Variants in USH2A observed in about 807,000 individuals in gnomAD.
USH2A encodes the protein Usher syndrome 2A (autosomal recessive, mild).
A neutral mutation model predicts 538.9 loss-of-function variants in USH2A; 443 were observed. That is an observed-to-expected ratio of 0.82 (90% CI 0.76 to 0.89). The LOEUF (loss-of-function observed/expected upper bound fraction) is 0.89. Among genes scored for constraint, USH2A ranks in the 40% least tolerant of loss-of-function variants. The pLI is 0.00. For missense variants in USH2A, 6,633 were observed against 6,324.8 expected (o/e 1.05, Z -1.65); for synonymous variants, 2,413 against 2,273.5 (o/e 1.06, Z -1.75).
intron 32 of USH2A, among the ~76,000 whole-genome samples, chr1:216,038,262 C>T (rs1368159490): frequency 2.6e-5 from 4 of 151,940 alleles, no homozygotes; most frequent in African/African-American, 9.7e-5. Context: ...CACTATTCTT[C>T]TATGCAAGCT....
At chr1:215,767,397 C>G (rs1293536745) in intron 55 of USH2A, among the ~76,000 whole-genome samples, 1 of 152,126 alleles carries the variant, frequency 6.6e-6, no homozygotes, top group African/African-American at 2.4e-5. Context: ...TTTTCTTGCC[C>G]CAAGCCATAT....
At chr1:216,224,311 A>C (rs1235681649) in intron 14 of USH2A, among the ~76,000 whole-genome samples, 2 of 152,104 alleles carry the variant, frequency 1.3e-5, no homozygotes, top group Non-Finnish European at 2.9e-5. Context: ...TCCACTACCA[A>C]CTGAGATGAA....
At chr1:216,016,393 A>G (rs945449789) in intron 32 of USH2A, among the ~76,000 whole-genome samples, 3 of 152,196 alleles carry the variant, frequency 2.0e-5, no homozygotes, top group Non-Finnish European at 2.9e-5. Context: ...TCGCTTTGCT[A>G]TGATAAGGAC....
At chr1:215,824,994 T>C (rs1464790118) in intron 47 of USH2A, among the ~76,000 whole-genome samples, 1 of 152,252 alleles carries the variant, frequency 6.6e-6, no homozygotes, top group East Asian at 1.9e-4. Context: ...TTCTGTACAT[T>C]TGTTTCTGTT....
At chr1:215,710,497 A>T (rs1480412737) in intron 61 of USH2A, among the ~76,000 whole-genome samples, 2 of 152,150 alleles carry the variant, frequency 1.3e-5, no homozygotes, top group Non-Finnish European at 2.9e-5. Flanking sequence ...TCAACTGCTC[A>T]TACGTTTAGC....
intron 38 of USH2A, among the ~76,000 whole-genome samples, chr1:215,906,415 G>T (rs1031938361): frequency 6.6e-6 from 1 of 151,952 alleles, no homozygotes; most frequent in Non-Finnish European, 1.5e-5. Flanking sequence ...ATTTCAAATC[G>T]CAGAACTGAT....
At chr1:216,194,996 G>T (rs992503841) in intron 19 of USH2A, among the ~76,000 whole-genome samples, 1 of 152,122 alleles carries the variant, frequency 6.6e-6, no homozygotes, top group African/African-American at 2.4e-5. Context: ...TCACAGGGCA[G>T]ATAGACCCCA....
intron 55 of USH2A, among the ~76,000 whole-genome samples, chr1:215,779,399 G>C (rs1466354015): frequency 1.3e-5 from 2 of 151,926 alleles, no homozygotes; most frequent in Admixed American, 1.3e-4. Context: ...GTAACAAACA[G>C]TCACAATGAC....
intron 59 of USH2A, among the ~76,000 whole-genome samples, chr1:215,741,984 T>C (rs1340490728): frequency 6.6e-6 from 1 of 152,154 alleles, no homozygotes; most frequent in African/African-American, 2.4e-5. Context: ...AACAATCTAT[T>C]TGAAGGATAT....
At chr1:216,185,427 C>T (rs1400129839) in intron 20 of USH2A, among the ~76,000 whole-genome samples, 4 of 151,690 alleles carry the variant, frequency 2.6e-5, no homozygotes, top group East Asian at 3.9e-4. Flanking sequence ...TTTTTGAGAC[C>T]GAGATTTAAG....
At chr1:216,341,095 G>T (rs377337583) in intron 4 of USH2A, among the ~76,000 whole-genome samples, 1 of 151,898 alleles carries the variant, frequency 6.6e-6, no homozygotes, top group African/African-American at 2.4e-5. Flanking sequence ...TTTAGAAAAC[G>T]CCATTGTTTC....
chr1:216,080,921 G>A lies in USH2A; in HGVS notation c.5298+2535C>T, dbSNP rs76623946. Among the ~76,000 whole-genome samples the A allele has an allele frequency of 9.9e-4, 150 of 151,934 alleles. 1 individual carries two copies. The East Asian group carries it at 0.026, about 26-fold the overall frequency. On this transcript the variant is annotated intron_variant, in intron 26 of 71. Transcript: ENST00000307340. Reference sequence around the variant, plus strand: ...GCTTGTTTTTATCAGGAGAGTGTGAGACTACCTGAAGACATTCAGGTTATA... The same window carrying A: ...GCTTGTTTTTATCAGGAGAGTGTGAAACTACCTGAAGACATTCAGGTTATA...
In USH2A at chr1:216,182,429, G is replaced by T. The variant is rs1217179464; in HGVS notation, c.4397-6947C>A. On this transcript the variant is annotated intron_variant, in intron 20 of 71. Transcript: ENST00000307340. Reference sequence around the variant, plus strand: ...TTCATATGCCAAAAAGGCCAGTAGAGCCCCTGATAAAGTCGCATATCTAAA... The same window carrying T: ...TTCATATGCCAAAAAGGCCAGTAGATCCCCTGATAAAGTCGCATATCTAAA... Among the ~76,000 whole-genome samples, 3 of 152,026 alleles carry T rather than the reference G, an allele frequency of 2.0e-5. No homozygotes were observed. The East Asian group carries it at 5.8e-4, about 29-fold the overall frequency.
At chr1:215,847,708 G>A (rs2102824904) in intron 44 of USH2A, among the ~76,000 whole-genome samples, 2 of 151,956 alleles carry the variant, frequency 1.3e-5, no homozygotes, top group South Asian at 2.1e-4. Context: ...GGAAAAAGTG[G>A]CATTTCTCCT....
chr1:215,796,766 C>T (rs1310561179), intron 50 of USH2A, among the ~76,000 whole-genome samples: 1 of 152,126 alleles, frequency 6.6e-6, no homozygotes, highest in Non-Finnish European at 1.5e-5. Flanking sequence ...ATGTGGAAAG[C>T]CAAGACAGGC....
At chr1:215,861,863 CAG>C (rs1390239080) in intron 44 of USH2A, among the ~76,000 whole-genome samples, 3 of 109,612 alleles carry the variant, frequency 2.7e-5, no homozygotes, top group Non-Finnish European at 5.2e-5. Flanking sequence ...TTTTTTGAGA[CAG>C]AGTCTCACTC....
In USH2A at chr1:215,945,674, T is replaced by G. The variant is rs184908134; in HGVS notation, c.7121-10879A>C. 5.7e-4 allele frequency among the ~76,000 whole-genome samples: 87 copies of G among 152,282 alleles called. No homozygotes were observed. In the East Asian group the frequency reaches 0.014, roughly 24 times the overall value. Reference sequence around the variant, plus strand: ...GGGGCTTCCATTGTCAGTATACAAATGAAGATTATTATCTTCTTTCTAAAC... The same window carrying G: ...GGGGCTTCCATTGTCAGTATACAAAGGAAGATTATTATCTTCTTTCTAAAC... On this transcript the variant is annotated intron_variant, in intron 37 of 71. Coordinates refer to ENST00000307340, the MANE Select transcript of USH2A (RefSeq NM_206933.4).
At chr1:216,362,283 G>T (rs1000212075) in intron 4 of USH2A, among the ~76,000 whole-genome samples, 6 of 152,060 alleles carry the variant, frequency 3.9e-5, no homozygotes, top group African/African-American at 1.2e-4. Flanking sequence ...TGGACACATT[G>T]TATGAATAAG....
At chr1:216,152,501 C>T (rs532724220) in intron 21 of USH2A, among the ~76,000 whole-genome samples, 12 of 151,994 alleles carry the variant, frequency 7.9e-5, no homozygotes, top group East Asian at 3.9e-4. Context: ...CACTCCCACC[C>T]GCCAGAGAAC....
Sources: gnomAD v4.1 joint callset for allele counts (sites outside exome capture counted in the v4.1 genomes callset) on GRCh38, gnomAD v4.1.1 for gene constraint, MANE v1.5 for transcripts, NCBI Gene and HGNC (gene_info 2026-07-23, HGNC 2026-07-21) for gene names.